TMOD3: variants seen among roughly 807,000 people sequenced by gnomAD.
TMOD3 encodes tropomodulin 3.
TMOD3 carries 20 observed loss-of-function variants against 39.2 expected under a neutral mutation model. The observed-to-expected ratio is 0.51, with a 90% confidence interval of 0.36 to 0.74. The LOEUF (loss-of-function observed/expected upper bound fraction) is 0.74. Among genes scored for constraint, TMOD3 ranks in the 30% least tolerant of loss-of-function variants. TMOD3 has a pLI of 0.00. For missense variants in TMOD3, 381 were observed against 412.8 expected (o/e 0.92, Z 0.67); for synonymous variants, 143 against 145.8 (o/e 0.98, Z 0.14).
At chr15:51,873,115 T>A (rs529292255) in intron 3 of TMOD3, among the ~76,000 whole-genome samples, 1 of 152,342 alleles carries the variant, frequency 6.6e-6, no homozygotes, top group African/African-American at 2.4e-5. Context: ...TTAGCCTTAG[T>A]TATCCTTAGT....
At chr15:51,885,156 T>C (rs1317781473) in intron 3 of TMOD3, among the ~76,000 whole-genome samples, 1 of 152,244 alleles carries the variant, frequency 6.6e-6, no homozygotes, top group Admixed American at 6.5e-5. Context: ...CAGCTAGTGC[T>C]GCAGTTTATA....
At chr15:51,876,677 G>A (rs900677100) in intron 3 of TMOD3, among the ~76,000 whole-genome samples, 1 of 151,926 alleles carries the variant, frequency 6.6e-6, no homozygotes, top group African/African-American at 2.4e-5. Flanking sequence ...TAGCCAGGAT[G>A]GTCTCAATCT....
At chr15:51,902,128 A>G in intron 9 of TMOD3, 92 bp downstream of exon 9, 1 of 1,481,858 alleles carries the variant, frequency 6.7e-7, no homozygotes, top group Admixed American at 2.2e-5. Flanking sequence ...ATTCTAACAG[A>G]GAAGTTATTT....
At chr15:51,878,677 G>C (rs1169648298) in intron 3 of TMOD3, among the ~76,000 whole-genome samples, 1 of 152,146 alleles carries the variant, frequency 6.6e-6, no homozygotes, top group Non-Finnish European at 1.5e-5. Flanking sequence ...CATCAAGCAG[G>C]TGTTGTGTGT....
intron 1 of TMOD3, among the ~76,000 whole-genome samples, chr15:51,838,062 G>A (rs923174101): frequency 1.3e-5 from 2 of 152,214 alleles, no homozygotes; most frequent in Non-Finnish European, 2.9e-5. Flanking sequence ...AGGCGGAAGA[G>A]CATGGAGGCG....
intron 3 of TMOD3, chr15:51,875,392 G>C (rs917036219): frequency 1.1e-4 from 16 of 152,182 alleles, no homozygotes; most frequent in African/African-American, 3.9e-4. Context: ...ATTTACATTA[G>C]TCATGCAGAT....
At chr15:51,846,913 G>A (rs1224173223) in intron 1 of TMOD3, among the ~76,000 whole-genome samples, 2 of 152,184 alleles carry the variant, frequency 1.3e-5, no homozygotes, top group African/African-American at 2.4e-5. Flanking sequence ...ATTTGGTGCT[G>A]AGAAACTGGG....
At chr15:51,879,569 TG>T (rs1279600413) in intron 3 of TMOD3, among the ~76,000 whole-genome samples, 2 of 113,158 alleles carry the variant, frequency 1.8e-5, no homozygotes, top group East Asian at 5.0e-4. Context: ...GTCATAAATC[TG>T]GATTTTTTTA....
At chr15:51,843,159 C>T (rs2056320634) in intron 1 of TMOD3, among the ~76,000 whole-genome samples, 1 of 152,140 alleles carries the variant, frequency 6.6e-6, no homozygotes, top group Admixed American at 6.5e-5. Flanking sequence ...GCTAGAAAGG[C>T]TTTGGAGAGG....
intron 3 of TMOD3, among the ~76,000 whole-genome samples, chr15:51,874,078 CA>C (rs1291484024): frequency 6.6e-6 from 1 of 152,192 alleles, no homozygotes; most frequent in Non-Finnish European, 1.5e-5. Flanking sequence ...CAGAATTACA[CA>C]TAACTGGCCA....
rs145582669 is a variant in TMOD3 at position 51,836,225 on chromosome 15, C to T, written c.-75+6389C>T. On this transcript the variant is annotated intron_variant, in intron 1 of 9. Coordinates refer to ENST00000308580, the MANE Select transcript of TMOD3 (RefSeq NM_014547.5). Reference sequence around the variant, plus strand: ...GCTACATTCAGAACTGTAGAACCATCACCACCATTTTAGAACATTTTCATC... The same window carrying T: ...GCTACATTCAGAACTGTAGAACCATTACCACCATTTTAGAACATTTTCATC... 3.0e-4 allele frequency among the ~76,000 whole-genome samples: 45 copies of T among 152,234 alleles called. No individual in the cohort carries two copies. In the East Asian group the frequency reaches 7.2e-3, roughly 24 times the overall value.
Position 51,893,933 on chromosome 15 carries a change from G to A in TMOD3, c.615G>A (p.Leu205=), listed in dbSNP as rs898254595. The change falls in exon 6 of 10, where the codon TTG becomes TTA. Residue 205 remains leucine, a synonymous_variant. Coordinates refer to ENST00000308580, the MANE Select transcript of TMOD3 (RefSeq NM_014547.5). The part of the protein sequence containing the change: ...ENDAHLVEVN[L]NNIKNIPIPT... ...ATGCTCATCTTGTTGAAGTTAATTT[G>A]AATAATATAAAGGTAAGTGTGCTAA... 6.2e-7 allele frequency: 1 copy of A among 1,605,328 alleles called. No homozygotes were observed. The highest frequency in any genetic ancestry group is 8.5e-7 in the Non-Finnish European group (1 of 1,174,490).
intron 1 of TMOD3, chr15:51,861,315 A>C: frequency 3.7e-6 from 1 of 271,426 alleles, no homozygotes. Context: ...CTACAACCCC[A>C]TGGGAGCTTC....
At chr15:51,880,664 C>G (rs2056528156) in intron 3 of TMOD3, among the ~76,000 whole-genome samples, 2 of 152,164 alleles carry the variant, frequency 1.3e-5, no homozygotes, top group Admixed American at 6.5e-5. Flanking sequence ...GTCAATACTT[C>G]ATTCTTTTTT....
rs563690088 is a variant in TMOD3 at position 51,845,088 on chromosome 15, AT to A, written c.-75+15259del. On this transcript the variant is annotated intron_variant, in intron 1 of 9. Coordinates refer to ENST00000308580, the MANE Select transcript of TMOD3 (RefSeq NM_014547.5). ...TTGGCAGTGATGAGGGCAAGTCAGT[AT>A]TTTTTTCCCCCAAGATTGGGTTAAA... Among the ~76,000 whole-genome samples the A allele has an allele frequency of 8.5e-5, 13 of 152,198 alleles. 1 individual carries two copies. The South Asian group carries it at 2.7e-3, about 32-fold the overall frequency.
intron 1 of TMOD3, among the ~76,000 whole-genome samples, chr15:51,856,229 C>T (rs2056387104): frequency 6.6e-6 from 1 of 152,208 alleles, no homozygotes; most frequent in African/African-American, 2.4e-5. Flanking sequence ...CACCACTGTA[C>T]TCCAGCCTGG....
intron 1 of TMOD3, chr15:51,860,724 T>G (rs2056413126): frequency 2.5e-6 from 1 of 398,226 alleles, no homozygotes; most frequent in Non-Finnish European, 4.9e-6. Flanking sequence ...TCACCTGAGG[T>G]CAGGAGTTGG....
Position 51,909,008 on chromosome 15 carries a change from G to A in TMOD3, c.*198G>A. 2.5e-6 allele frequency: 1 copy of A among 398,704 alleles called. No homozygotes were observed. Among genetic ancestry groups the A allele is most frequent in the Non-Finnish European group, 4.4e-6 (1 of 224,830 alleles). 24.7% of individuals were successfully genotyped at this position (398,704 alleles called of 1,614,324 possible). Reference sequence around the variant, plus strand: ...ATATTCTGAAACATTTCTACTTTCTGCTAAAATCAATTTTAATTTAGTTTA... The same window carrying A: ...ATATTCTGAAACATTTCTACTTTCTACTAAAATCAATTTTAATTTAGTTTA... On this transcript the variant is annotated 3_prime_UTR_variant, in exon 10 of 10. Transcript: ENST00000308580.
At chr15:51,861,066 T>C in intron 1 of TMOD3, 3 of 700,158 alleles carry the variant, frequency 4.3e-6, no homozygotes, top group Non-Finnish European at 7.2e-6. Context: ...CTTAAATGAA[T>C]ATCCAATGCG....
Sources: gnomAD v4.1 joint callset for allele counts (sites outside exome capture counted in the v4.1 genomes callset) on GRCh38, gnomAD v4.1.1 for gene constraint, MANE v1.5 for transcripts, NCBI Gene and HGNC (gene_info 2026-07-23, HGNC 2026-07-21) for gene names.